Variants in CEP70 observed in about 807,000 individuals in gnomAD.
The protein encoded by CEP70 is centrosomal protein 70.
CEP70 carries 70 observed loss-of-function variants against 90.9 expected under a neutral mutation model. That is an observed-to-expected ratio of 0.77 (90% CI 0.64 to 0.94). The LOEUF (loss-of-function observed/expected upper bound fraction) is 0.94, where lower values mean the gene tolerates loss of function less well. Among genes scored for constraint, CEP70 ranks in the 40% least tolerant of loss-of-function variants. CEP70 has a pLI of 0.00. For synonymous variants in CEP70, 220 were observed against 228.3 expected (o/e 0.96, Z 0.33); for missense variants, 648 against 669.0 (o/e 0.97, Z 0.35).
chr3:138,565,609 A>G (rs2040727405), intron 6 of CEP70, among the ~76,000 whole-genome samples: 1 of 152,230 alleles, frequency 6.6e-6, no homozygotes, highest in Non-Finnish European at 1.5e-5. Flanking sequence ...TATTTAATAA[A>G]TGGTGCTGGG....
chr3:138,552,630 A>G (rs144423477), intron 6 of CEP70, among the ~76,000 whole-genome samples: 5 of 152,174 alleles, frequency 3.3e-5, no homozygotes, highest in African/African-American at 1.2e-4. Context: ...GAACCGAGAG[A>G]TAATAGTGAC....
At chr3:138,573,908 T>A (rs1322212152) in intron 2 of CEP70, among the ~76,000 whole-genome samples, 1 of 152,136 alleles carries the variant, frequency 6.6e-6, no homozygotes, top group Non-Finnish European at 1.5e-5. Flanking sequence ...AGTATATAAT[T>A]TTCTAACTAG....
intron 2 of CEP70, among the ~76,000 whole-genome samples, chr3:138,589,663 G>GA (rs1159228479): frequency 6.7e-6 from 1 of 149,852 alleles, no homozygotes; most frequent in Non-Finnish European, 1.5e-5. Flanking sequence ...ATCTCAAAAA[G>GA]AAAAAAAGAA....
At chr3:138,574,987 A>C (rs543998197) in intron 2 of CEP70, among the ~76,000 whole-genome samples, 2 of 152,206 alleles carry the variant, frequency 1.3e-5, no homozygotes, top group East Asian at 3.9e-4. Flanking sequence ...AACTACAAAG[A>C]TGGGGAGAAA....
In CEP70 at chr3:138,529,222, G is replaced by C. The variant is rs201393804; in HGVS notation, c.846C>G (p.Asn282Lys). 4.5e-5 allele frequency: 73 copies of C among 1,605,646 alleles called. No homozygotes were observed. The highest frequency in any genetic ancestry group is 6.1e-5 in the Non-Finnish European group (72 of 1,176,274). Reference protein sequence around the residue: ...KIDALSSEKLNLQKDLETRPT... With the variant: ...KIDALSSEKLKLQKDLETRPT... ...ACCTGGTTTCCAAATCTTTTTGGAG[G>C]TTCAGCTTTTCACTTGAAAGTGCAT... Residue 282 changes from asparagine (N) to lysine (K), a missense_variant, in exon 10 of 18, where the codon AAC (asparagine) becomes AAG (lysine). Physicochemically the swap from Asn to Lys is moderately conservative, Grantham distance 94 (BLOSUM62 0). Transcript: ENST00000264982.
chr3:138,553,102 C>T (rs911551777), intron 6 of CEP70, among the ~76,000 whole-genome samples: 7 of 152,038 alleles, frequency 4.6e-5, no homozygotes, highest in Non-Finnish European at 7.4e-5. Context: ...CCTAAAAAGA[C>T]ACAACTCCTA....
intron 2 of CEP70, among the ~76,000 whole-genome samples, chr3:138,576,161 C>G (rs371304269): frequency 1.3e-5 from 2 of 152,052 alleles, no homozygotes; most frequent in Non-Finnish European, 2.9e-5. Flanking sequence ...ACTGGCAAAT[C>G]GGATAAAGAG....
chr3:138,569,804 G>C (rs1444240828), intron 6 of CEP70, among the ~76,000 whole-genome samples: 5 of 152,168 alleles, frequency 3.3e-5, no homozygotes, highest in African/African-American at 1.2e-4. Flanking sequence ...GGAGGCAGAG[G>C]TTGCACTGGG....
At position 138,588,357 on chromosome 3, in the gene CEP70, T is replaced by C. The variant is rs186574792; in HGVS notation, c.-6+3497A>G. On this transcript the variant is annotated intron_variant, in intron 2 of 17. Transcript: ENST00000264982. ...AGAAAAGGTTCATATCCAGAATATATAGGGAACTCTCAAAACTTAGTAAGG... is the reference window on the plus strand; with the variant it reads ...AGAAAAGGTTCATATCCAGAATATACAGGGAACTCTCAAAACTTAGTAAGG... Among the ~76,000 whole-genome samples, 331 of 152,254 alleles carry C rather than the reference T, an allele frequency of 2.2e-3. 1 individual carries two copies. Among genetic ancestry groups the C allele is most frequent in the South Asian group, 5.0e-3 (24 of 4,828 alleles).
chr3:138,518,104 T>C (rs1230774991), intron 11 of CEP70, among the ~76,000 whole-genome samples: 2 of 152,086 alleles, frequency 1.3e-5, no homozygotes. Flanking sequence ...AAGTCTGAGA[T>C]CAAACTGCAA....
chr3:138,521,646 G>A (rs1244642120), intron 11 of CEP70, among the ~76,000 whole-genome samples: 104 of 148,948 alleles, frequency 7.0e-4, no homozygotes, highest in Admixed American at 2.5e-3. Context: ...GCCTCTGCCC[G>A]GCCGCGACCC....
At chr3:138,567,580 C>T (rs778674485) in intron 6 of CEP70, among the ~76,000 whole-genome samples, 1 of 152,166 alleles carries the variant, frequency 6.6e-6, no homozygotes, top group Non-Finnish European at 1.5e-5. Context: ...AGAGGTGGCA[C>T]TAGAGGACTC....
At chr3:138,495,796 G>A (rs2033917168) in intron 17 of CEP70, 3 of 764,758 alleles carry the variant, frequency 3.9e-6, no homozygotes, top group Non-Finnish European at 4.8e-6. Context: ...AGGTTGCAGT[G>A]AGCTGAGATT....
intron 11 of CEP70, among the ~76,000 whole-genome samples, chr3:138,517,864 T>C (rs1233232513): frequency 1.3e-5 from 2 of 152,172 alleles, no homozygotes; most frequent in Non-Finnish European, 2.9e-5. Flanking sequence ...GCACCGAGCG[T>C]GAGCCGAAGC....
Position 138,505,366 on chromosome 3 carries a change from C to T in CEP70, c.1150G>A (p.Val384Ile). Residue 384 changes from valine (V) to isoleucine (I), a missense_variant, in exon 13 of 18, where the codon GTT becomes ATT. Transcript: ENST00000264982. ...AGATGCTCAAATCCACAATCTTGAA[C>T]AAGATCTTTATTAAAATTTTGGACT... is the stretch of plus-strand genomic sequence containing the variant. ...GGVQNFNKDL[V>I]QDCGFEHLVP... 6 of 1,612,642 alleles carry T rather than the reference C, an allele frequency of 3.7e-6. No homozygotes were observed. Among genetic ancestry groups the T allele is most frequent in the Non-Finnish European group, 5.1e-6 (6 of 1,179,448 alleles).
chr3:138,580,281 C>G (rs954393296), intron 2 of CEP70, among the ~76,000 whole-genome samples: 23 of 152,072 alleles, frequency 1.5e-4, no homozygotes, highest in African/African-American at 5.6e-4. Context: ...CACAGGGATG[C>G]CTGTGTCACC....
intron 2 of CEP70, among the ~76,000 whole-genome samples, chr3:138,579,395 GC>G (rs1338624196): frequency 6.6e-6 from 1 of 151,894 alleles, no homozygotes; most frequent in Non-Finnish European, 1.5e-5. Flanking sequence ...AACTAAAGGA[GC>G]ATTTGCATCA....
intron 6 of CEP70, among the ~76,000 whole-genome samples, chr3:138,549,362 G>A (rs1435833068): frequency 1.3e-5 from 2 of 151,896 alleles, no homozygotes; most frequent in Non-Finnish European, 2.9e-5. Flanking sequence ...GTTGGGTGGG[G>A]CGGGTAGTGG....
intron 6 of CEP70, among the ~76,000 whole-genome samples, chr3:138,563,135 G>T (rs750791356): frequency 1.1e-4 from 17 of 151,866 alleles, no homozygotes; most frequent in Non-Finnish European, 2.2e-4. Flanking sequence ...AGGGATCAGT[G>T]CAACAAGAGC....
Sources: allele counts gnomAD v4.1 joint callset (sites outside exome capture counted in the v4.1 genomes callset), GRCh38; gene constraint gnomAD v4.1.1; transcripts MANE v1.5; gene names NCBI Gene and HGNC (gene_info 2026-07-23, HGNC 2026-07-21).